RNF213: variants seen among roughly 807,000 people sequenced by gnomAD.
The protein encoded by RNF213 is E3 ubiquitin-protein ligase RNF213.
RNF213 carries 341 observed loss-of-function variants against 514.4 expected under a neutral mutation model. That is an observed-to-expected ratio of 0.66 (90% CI 0.61 to 0.73). The LOEUF (loss-of-function observed/expected upper bound fraction) is 0.73, where lower values mean the gene tolerates loss of function less well. Ranked by LOEUF, RNF213 falls within the 30% of genes least tolerant of loss-of-function variation. The probability of loss-of-function intolerance (pLI) is 0.00; values close to 1 mark genes in which losing one functional copy is unlikely to be tolerated. For synonymous variants in RNF213, 2,655 were observed against 2,658.2 expected, an observed-to-expected ratio of 1.00 and a Z score of 0.04; for missense variants, 5,767 against 6,615.6, an observed-to-expected ratio of 0.87 and a Z score of 4.45.
intron 56 of RNF213, 29 bp downstream of exon 56, chr17:80,381,016 C>A (rs1023373093): frequency 1.2e-6 from 2 of 1,612,346 alleles, no homozygotes; most frequent in African/African-American, 2.7e-5. Flanking sequence ...AAACAATGGG[C>A]TCAGTTAAGA....
At position 80,379,676 on chromosome 17, in the gene RNF213, C is replaced by A; in HGVS notation, c.13602C>A (p.Gly4534=). The stretch of plus-strand genomic sequence containing the variant: ...TTGACTGCCATGCGCCGATTGGAGG[C>A]ATTGACCACAAACCTCGGGACGGCT... ...ICIDCHAPIG[G]IDHKPRDGFH... The change falls in exon 55 of 68, where the codon GGC becomes GGA. Residue 4534 remains glycine (G), a synonymous_variant. Coordinates refer to ENST00000582970, the MANE Select transcript of RNF213 (RefSeq NM_001256071.3). The A allele has an allele frequency of 6.2e-7, 1 of 1,614,220 alleles. No homozygotes were observed.
At chr17:80,295,402 T>C (rs2044898117) in intron 9 of RNF213, among the ~76,000 whole-genome samples, 155 bp from the exon 10 acceptor site, 1 of 152,208 alleles carries the variant, frequency 6.6e-6, no homozygotes, top group African/African-American at 2.4e-5. Context: ...TGCCAGGGTC[T>C]TGGCTGCACT....
intron 21 of RNF213, among the ~76,000 whole-genome samples, chr17:80,333,539 C>T (rs532514160): frequency 3.7e-4 from 56 of 151,516 alleles, no homozygotes; most frequent in South Asian, 2.3e-3. Flanking sequence ...ACTAAAAATA[C>T]AAAAATTAGC....
At position 80,273,254 on chromosome 17, in the gene RNF213, T is replaced by G; in HGVS notation, c.111T>G (p.Asn37Lys). 1 of 1,613,574 alleles carries G rather than the reference T, an allele frequency of 6.2e-7. No homozygotes were observed. The highest frequency in any genetic ancestry group is 8.5e-7 in the Non-Finnish European group (1 of 1,179,972). Residue 37 changes from asparagine (N) to lysine (K), a missense_variant, in exon 3 of 68, where the codon AAT becomes AAG. Transcript: ENST00000582970. ...PAAPIADSEN[N>K]NSTMASASEG... is the part of the protein sequence containing the mutation. Reference sequence around the variant, plus strand: ...CTGCCGTTACAGATTCTGAGAACAATAACTCCACAATGGCGTCGGCCTCGG... The same window carrying G: ...CTGCCGTTACAGATTCTGAGAACAAGAACTCCACAATGGCGTCGGCCTCGG...
chr17:80,379,773 T>C, intron 55 of RNF213, 59 bp downstream of exon 55: 1 of 1,364,858 alleles, frequency 7.3e-7, no homozygotes. Context: ...TGGGCTGTTT[T>C]TATTCCAGCT....
intron 67 of RNF213, 135 bp from the exon 68 acceptor site, chr17:80,393,210 A>G: frequency 1.2e-6 from 1 of 820,180 alleles, no homozygotes; most frequent in Non-Finnish European, 2.0e-6. Context: ...TGAACTCCTG[A>G]CCTCCACTGA....
intron 20 of RNF213, among the ~76,000 whole-genome samples, chr17:80,330,991 G>A (rs925455392): frequency 6.6e-6 from 1 of 152,140 alleles, no homozygotes; most frequent in Non-Finnish European, 1.5e-5. Context: ...CTAGTTTTTT[G>A]TATTTTTAGT....
rs1311840055 is a variant in RNF213, at chr17:80,396,339, G to A, written c.*2841G>A. 6.6e-6 allele frequency: 1 copy of A among 152,166 alleles called. No homozygotes were observed. Among genetic ancestry groups the A allele is most frequent in the East Asian group, 1.9e-4 (1 of 5,196 alleles). 9.4% of individuals were successfully genotyped at this position (152,166 alleles called of 1,614,324 possible). A position where few individuals can be genotyped will look rare whatever the true frequency, so the allele number is the denominator to read the frequency against. ...TGAATAGTTATGAGACTTTGTGCAT[G>A]TGTTAACCGAGACGGCCCTGAGCTA... On this transcript the variant is annotated 3_prime_UTR_variant, in exon 68 of 68. Coordinates refer to ENST00000582970, the MANE Select transcript of RNF213 (RefSeq NM_001256071.3).
intron 29 of RNF213, among the ~76,000 whole-genome samples, 160 bp downstream of exon 29, chr17:80,348,446 C>T (rs1278911084): frequency 6.6e-6 from 1 of 152,242 alleles, no homozygotes; most frequent in Non-Finnish European, 1.5e-5. Flanking sequence ...GGGAGTAGGT[C>T]CAGTTAACCA....
chr17:80,354,352 T>A, intron 35 of RNF213, 89 bp from the exon 36 acceptor site: 2 of 1,601,040 alleles, frequency 1.2e-6, no homozygotes, highest in Non-Finnish European at 1.7e-6. Context: ...CCAACGGACT[T>A]CCCTTCCTGG....
At chr17:80,274,962 G>T (rs1327864240) in intron 3 of RNF213, among the ~76,000 whole-genome samples, 1 of 74,318 alleles carries the variant, frequency 1.3e-5, no homozygotes. Flanking sequence ...GGGGGTGTGT[G>T]TGTTGGGGTG....
chr17:80,358,499 T>A lies in RNF213; in HGVS notation c.11054+20T>A, dbSNP rs1331024142. On this transcript the variant is annotated intron_variant, in intron 37 of 67. Transcript: ENST00000582970. ...TGAAAGGTGAGTGGAAGGCTTTCTT[T>A]CCCTGGGGAGAGAAACTATCAGAAC... 6.2e-7 allele frequency: 1 copy of A among 1,607,482 alleles called. No homozygotes were observed. Among genetic ancestry groups the A allele is most frequent in the African/African-American group, 1.3e-5 (1 of 74,814 alleles).
At chr17:80,283,692 G>T (rs149529286) in intron 3 of RNF213, among the ~76,000 whole-genome samples, 343 of 152,292 alleles carry the variant, frequency 2.3e-3, no homozygotes, top group Non-Finnish European at 4.1e-3. Context: ...AAGCGGTAGG[G>T]GGCCTGCATC....
intron 8 of RNF213, among the ~76,000 whole-genome samples, chr17:80,294,159 A>G (rs1420117442): frequency 6.6e-6 from 1 of 152,162 alleles, no homozygotes; most frequent in Admixed American, 6.5e-5. Flanking sequence ...GTCTGCACTC[A>G]TATCGTTTGC....
intron 44 of RNF213, among the ~76,000 whole-genome samples, chr17:80,368,433 GT>G (rs5822349): frequency 4.6e-4 from 63 of 137,042 alleles, no homozygotes; most frequent in Middle Eastern, 3.7e-3. Context: ...AGACGCCAGT[GT>G]TTTTTTTTTT....
At chr17:80,327,767 G>A (rs769533729) in intron 18 of RNF213, 49 bp from the exon 19 acceptor site, 1 of 1,453,600 alleles carries the variant, frequency 6.9e-7, no homozygotes, top group Non-Finnish European at 9.2e-7. Flanking sequence ...CGGCAAAGAG[G>A]CAGGAGGTGG....
Position 80,263,929 on chromosome 17 carries a change from G to C in RNF213, c.97+151G>C. On this transcript the variant is annotated intron_variant, in intron 2 of 67. Transcript: ENST00000582970. This position sits in a 1 kb window ranked among gnomAD's most constrained non-coding sequence, Gnocchi z 4.9. ...TACTGAGGCTCTGTGGCTCTGAATA[G>C]CCATCTCAAAAGTGACCACAGAGTC... The C allele has an allele frequency of 1.5e-6, 1 of 661,566 alleles. No homozygotes were observed. Among genetic ancestry groups the C allele is most frequent in the Non-Finnish European group, 2.7e-6 (1 of 372,110 alleles). The allele number at this position is 661,566 out of a possible 1,614,324, so 41.0% of individuals were successfully genotyped here.
At chr17:80,380,220 T>G (rs956777617) in intron 55 of RNF213, among the ~76,000 whole-genome samples, 1 of 152,186 alleles carries the variant, frequency 6.6e-6, no homozygotes, top group African/African-American at 2.4e-5. Context: ...CACAATCCCA[T>G]GCTGAGATGA....
In RNF213 at chr17:80,344,990, G is replaced by T; in HGVS notation, c.6655G>T (p.Ala2219Ser). The change falls in exon 29 of 68, where the codon GCT becomes TCT. Residue 2219 changes from alanine (A) to serine (S), a missense_variant. Coordinates refer to ENST00000582970, the MANE Select transcript of RNF213 (RefSeq NM_001256071.3). ...ATCCTGGTCAGAGCTTCGGAACTTTGCTCGGTTCCTGAATTATCAGCTCAG... is the reference window on the plus strand; with the variant it reads ...ATCCTGGTCAGAGCTTCGGAACTTTTCTCGGTTCCTGAATTATCAGCTCAG... ...NPSWSELRNF[A>S]RFLNYQLRDC... 1 of 1,614,138 alleles carries T rather than the reference G, an allele frequency of 6.2e-7. No homozygotes were observed. The highest frequency in any genetic ancestry group is 8.5e-7 in the Non-Finnish European group (1 of 1,180,024).
Sources: gnomAD v4.1 joint callset for allele counts (sites outside exome capture counted in the v4.1 genomes callset) on GRCh38, gnomAD v4.1.1 for gene constraint, Gnocchi (gnomAD v3.1) non-coding constraint, MANE v1.5 for transcripts, NCBI Gene and HGNC (gene_info 2026-07-23, HGNC 2026-07-21) for gene names.